BPIFC: variants seen among roughly 807,000 people sequenced by gnomAD.
BPIFC encodes the protein BPI fold-containing family C protein.
Under a neutral mutation model 57.6 loss-of-function variants are expected in BPIFC, and 60 were observed. The observed-to-expected ratio is 1.04, with a 90% CI of 0.85 to 1.29. The LOEUF is 1.29. Ranked by LOEUF, BPIFC falls within the 50% of genes most tolerant of loss-of-function variation. The pLI, the probability that BPIFC is intolerant of heterozygous loss-of-function variation, is 0.00. For synonymous variants in BPIFC, 243 were observed against 224.5 expected (o/e 1.08, Z -0.74); for missense variants, 581 against 600.5 (o/e 0.97, Z 0.34).
At chr22:32,442,599 A>G in intron 8 of BPIFC, 72 bp downstream of exon 8, 1 of 1,485,030 alleles carries the variant, frequency 6.7e-7, no homozygotes, top group South Asian at 1.2e-5. Context: ...CGCCTTGAAA[A>G]GCAAACCCAG....
At chr22:32,435,668 T>C in intron 10 of BPIFC, 36 bp downstream of exon 10, 1 of 1,585,976 alleles carries the variant, frequency 6.3e-7, no homozygotes, top group East Asian at 2.2e-5. Flanking sequence ...GGCTGAATGA[T>C]GGTGACCATT....
rs150967527 is a variant in BPIFC at position 32,435,776 on chromosome 22, C to G, written c.852G>C (p.Glu284Asp). The change falls in exon 10 of 17, where the codon GAG (glutamate) becomes GAC (aspartate). Residue 284 changes from glutamate to aspartate, a missense_variant. By Grantham distance (45) the Glu-to-Asp change is conservative. Coordinates refer to ENST00000300399, the MANE Select transcript of BPIFC (RefSeq NM_174932.3). The stretch of plus-strand genomic sequence containing the variant: ...CAAAGGACGCAGATTTAAAGAAATA[C>G]TCGGCGATTCCAATGTAGAGCATGG... Reference protein sequence around the residue: ...SNSMLYIGIAEYFFKSASFAH... With the variant: ...SNSMLYIGIADYFFKSASFAH... 1.9e-6 allele frequency: 3 copies of G among 1,614,152 alleles called. No homozygotes were observed. The Admixed American group carries it at 5.0e-5, about 27-fold the overall frequency.
At chr22:32,464,338 G>A (rs780468743) in intron 1 of BPIFC, 36 bp downstream of exon 1, 2 of 965,814 alleles carry the variant, frequency 2.1e-6, no homozygotes, top group Non-Finnish European at 2.5e-6. Flanking sequence ...GGAGATCATG[G>A]CTGGCAGAGA....
At chr22:32,460,664 A>G (rs879371357) in intron 2 of BPIFC, among the ~76,000 whole-genome samples, 2 of 152,226 alleles carry the variant, frequency 1.3e-5, no homozygotes, top group Non-Finnish European at 2.9e-5. Flanking sequence ...GAAACCGTGC[A>G]TATCCCTAAG....
intron 12 of BPIFC, 76 bp from the exon 13 acceptor site, chr22:32,431,490 G>A: frequency 2.9e-6 from 3 of 1,025,222 alleles, no homozygotes; most frequent in Non-Finnish European, 4.5e-6. Context: ...TCCAATAGTT[G>A]AAACATTATA....
chr22:32,464,383 AG>A lies in BPIFC; in HGVS notation c.-99del. ...TGTTCATGAGTCTTACCTCAAGCAG[AG>A]GAAGTGTCCAAAGCTGGAGAGCACC... On this transcript the variant is annotated 5_prime_UTR_variant, in exon 1 of 17. Transcript: ENST00000300399. 2 of 985,262 alleles carry A rather than the reference AG, an allele frequency of 2.0e-6. No individual in the cohort carries two copies. Among genetic ancestry groups the A allele is most frequent in the Non-Finnish European group, 2.4e-6 (2 of 829,874 alleles). 61.0% of individuals were successfully genotyped at this position (985,262 alleles called of 1,614,324 possible). A position where few individuals can be genotyped will look rare whatever the true frequency, so the allele number is the denominator to read the frequency against.
At chr22:32,429,291 C>T (rs567282951) in intron 13 of BPIFC, among the ~76,000 whole-genome samples, 9 of 151,762 alleles carry the variant, frequency 5.9e-5, no homozygotes, top group African/African-American at 1.7e-4. Context: ...ACTGCAAGCT[C>T]GGCCTCCCGA....
chr22:32,417,212 G>A, intron 14 of BPIFC, 64 bp from the exon 15 acceptor site: 3 of 1,097,568 alleles, frequency 2.7e-6, no homozygotes, highest in African/African-American at 2.3e-5. Context: ...TTTTTGCTTT[G>A]TTACCCAGGC....
chr22:32,432,232 C>T lies in BPIFC; in HGVS notation c.1149+141G>A, dbSNP rs1569450233. On this transcript the variant is annotated intron_variant, in intron 12 of 16. Transcript: ENST00000300399. ...AGACACTGGAATTATAGGCATGAGCCATCACGTCCAGCCTCCATCCTCACT... is the reference window on the plus strand; with the variant it reads ...AGACACTGGAATTATAGGCATGAGCTATCACGTCCAGCCTCCATCCTCACT... 11 of 879,094 alleles carry T rather than the reference C, an allele frequency of 1.3e-5. No homozygotes were observed. The South Asian group carries it at 1.7e-4, about 13-fold the overall frequency. 54.5% of individuals were successfully genotyped at this position (879,094 alleles called of 1,614,324 possible). A position where few individuals can be genotyped will look rare whatever the true frequency, so the allele number is the denominator to read the frequency against.
At chr22:32,417,590 C>G (rs1425599465) in intron 14 of BPIFC, among the ~76,000 whole-genome samples, 1 of 152,142 alleles carries the variant, frequency 6.6e-6, no homozygotes, top group East Asian at 1.9e-4. Flanking sequence ...TGTAGAAAAT[C>G]ATATTACAGG....
intron 1 of BPIFC, among the ~76,000 whole-genome samples, 176 bp downstream of exon 1, chr22:32,464,198 C>A (rs5994573): frequency 6.6e-6 from 1 of 152,088 alleles, no homozygotes; most frequent in African/African-American, 2.4e-5. Flanking sequence ...CCTCCAGGTG[C>A]GCATATGTGA....
intron 9 of BPIFC, among the ~76,000 whole-genome samples, chr22:32,436,961 T>C (rs183950888): frequency 1.6e-4 from 25 of 152,340 alleles, no homozygotes; most frequent in African/African-American, 6.0e-4. Flanking sequence ...ATATTAGCTT[T>C]GGGGCAAAAT....
chr22:32,421,560 T>TA (rs1229995034), intron 13 of BPIFC, among the ~76,000 whole-genome samples: 1 of 152,226 alleles, frequency 6.6e-6, no homozygotes, highest in Non-Finnish European at 1.5e-5. Context: ...GAAGCTACGT[T>TA]ACAGGCATGT....
intron 15 of BPIFC, 88 bp from the exon 16 acceptor site, chr22:32,416,079 CTTT>C (rs386395239): frequency 7.3e-3 from 3,128 of 429,790 alleles, no homozygotes; most frequent in South Asian, 9.8e-3. Context: ...TGACAGCTTG[CTTT>C]TTTTTTTTTT....
intron 5 of BPIFC, 88 bp downstream of exon 5, chr22:32,447,124 T>C (rs1406234689): frequency 2.1e-6 from 3 of 1,416,346 alleles, no homozygotes; most frequent in Non-Finnish European, 2.8e-6. Context: ...AAGAAGCCTA[T>C]TGCCAAAAAC....
intron 7 of BPIFC, 118 bp from the exon 8 acceptor site, chr22:32,442,849 G>C: frequency 1.1e-6 from 1 of 925,288 alleles, no homozygotes; most frequent in South Asian, 1.5e-5. Context: ...TATCCCTTTG[G>C]TCATCGAGAC....
intron 13 of BPIFC, among the ~76,000 whole-genome samples, chr22:32,427,605 C>A (rs1291064152): frequency 1.3e-5 from 2 of 152,158 alleles, no homozygotes; most frequent in Non-Finnish European, 2.9e-5. Flanking sequence ...TATCCAGATT[C>A]TCTCCTTCCT....
At chr22:32,450,312 G>A (rs1428748671) in intron 4 of BPIFC, among the ~76,000 whole-genome samples, 1 of 152,156 alleles carries the variant, frequency 6.6e-6, no homozygotes, top group African/African-American at 2.4e-5. Flanking sequence ...AGGAGCAACA[G>A]GCTATGTCAT....
chr22:32,417,220 G>C, intron 14 of BPIFC, 72 bp from the exon 15 acceptor site: 1 of 1,130,664 alleles, frequency 8.8e-7, no homozygotes, highest in Non-Finnish European at 1.3e-6. Flanking sequence ...TTGTTACCCA[G>C]GCTGGAGTGC....
Sources: allele counts gnomAD v4.1 joint callset (sites outside exome capture counted in the v4.1 genomes callset), GRCh38; gene constraint gnomAD v4.1.1; transcripts MANE v1.5; gene names NCBI Gene and HGNC (gene_info 2026-07-23, HGNC 2026-07-21).